ZNF280C: variants seen among roughly 807,000 people sequenced by gnomAD.
The protein encoded by ZNF280C is zinc finger protein 280C.
In ZNF280C, 14 loss-of-function variants were observed where a neutral mutation model predicts 53.6. The observed-to-expected ratio is 0.26, with a 90% CI of 0.17 to 0.41. The LOEUF (loss-of-function observed/expected upper bound fraction) is 0.41, where lower values mean the gene tolerates loss of function less well. ZNF280C is among the 10% of genes least tolerant of loss of function. ZNF280C has a pLI of 1.00. For synonymous variants in ZNF280C, 203 were observed against 181.1 expected (o/e 1.12, Z -0.97); for missense variants, 416 against 547.1 (o/e 0.76, Z 2.39).
chrX:130,257,548 A>G (rs1483078661), intron 2 of ZNF280C, among the ~76,000 whole-genome samples: 1 of 111,737 alleles, frequency 8.9e-6, no homozygotes, highest in Admixed American at 9.5e-5. Flanking sequence ...ATATGTACAT[A>G]TGAGTTTTAA....
At chrX:130,266,441 C>T (rs1171781874) in intron 1 of ZNF280C, among the ~76,000 whole-genome samples, 2 of 111,491 alleles carry the variant, frequency 1.8e-5, no homozygotes, top group African/African-American at 6.5e-5. Context: ...TACAAGGTGA[C>T]CACAGCTAAT....
At chrX:130,255,330 C>T (rs1335612531) in intron 2 of ZNF280C, among the ~76,000 whole-genome samples, 2 of 103,598 alleles carry the variant, frequency 1.9e-5, no homozygotes, top group Non-Finnish European at 3.9e-5. Context: ...TTAGTAGAGA[C>T]GGGGTTTCAC....
intron 10 of ZNF280C, among the ~76,000 whole-genome samples, 182 bp from the exon 11 acceptor site, chrX:130,227,964 C>A (rs943843889): frequency 8.9e-6 from 1 of 111,928 alleles, no homozygotes; most frequent in African/African-American, 3.2e-5. Flanking sequence ...ATTCTCGTAA[C>A]ATCACTGAGG....
At chrX:130,226,503 T>C (rs912023471) in intron 12 of ZNF280C, among the ~76,000 whole-genome samples, 4 of 111,634 alleles carry the variant, frequency 3.6e-5, no homozygotes, top group Non-Finnish European at 7.5e-5. Flanking sequence ...TCTAGCTATC[T>C]TTCAGAACTT....
rs1420490018 is a variant in ZNF280C, at chrX:130,235,775, C to T, written c.771+439G>A. On this transcript the variant is annotated intron_variant, in intron 8 of 18. Transcript: ENST00000370978. Reference sequence around the variant, plus strand: ...TCACTCTACTTTGCACCAAACATTACAACTTATTCCTTCTATCTAACTGTA... The same window carrying T: ...TCACTCTACTTTGCACCAAACATTATAACTTATTCCTTCTATCTAACTGTA... Among the ~76,000 whole-genome samples, 24 of 111,639 alleles carry T rather than the reference C, an allele frequency of 2.1e-4. No homozygotes were observed. The Admixed American group carries it at 2.3e-3, about 11-fold the overall frequency.
chrX:130,237,485 A>G (rs1482982782), intron 6 of ZNF280C, among the ~76,000 whole-genome samples: 1 of 111,684 alleles, frequency 9.0e-6, no homozygotes, highest in Non-Finnish European at 1.9e-5. Flanking sequence ...GGATTATATA[A>G]TTCAGGGCAT....
intron 2 of ZNF280C, among the ~76,000 whole-genome samples, chrX:130,255,375 C>T (rs1278321452): frequency 2.9e-5 from 3 of 104,496 alleles, no homozygotes; most frequent in East Asian, 3.0e-4. Context: ...CTCCTGACCT[C>T]GTGATCCGCC....
intron 3 of ZNF280C, among the ~76,000 whole-genome samples, chrX:130,244,191 T>C (rs1337278374): frequency 8.9e-6 from 1 of 111,842 alleles, no homozygotes; most frequent in East Asian, 2.8e-4. Context: ...TTCCAGAGTA[T>C]CTGATTAGAC....
intron 8 of ZNF280C, among the ~76,000 whole-genome samples, chrX:130,233,503 T>C (rs749023299): frequency 9.1e-4 from 99 of 108,201 alleles, no homozygotes; most frequent in Non-Finnish European, 1.0e-3. Context: ...GTAATCCCGG[T>C]TACTCAGAAA....
intron 2 of ZNF280C, among the ~76,000 whole-genome samples, chrX:130,251,304 A>AAAAAAAAC (rs2032506688): frequency 9.6e-6 from 1 of 103,700 alleles, no homozygotes. Flanking sequence ...AAAAAAAAAA[A>AAAAAAAAC]AAAGACCAGC....
Position 130,239,667 on chromosome X carries a change from T to C in ZNF280C, c.408A>G (p.Gly136=). 1.7e-6 allele frequency: 2 copies of C among 1,188,710 alleles called. No individual in the cohort carries two copies. Among genetic ancestry groups the C allele is most frequent in the Non-Finnish European group, 2.3e-6 (2 of 876,070 alleles). ...KPDFTKNSQV[G]SDNSSILLFD... ...ACAGTAAAATTGAAGAATTATCCGA[T>C]CCAACTTGTGAATTCTTTGTAAAAT... Residue 136 remains glycine, a synonymous_variant, in exon 6 of 19, where the codon GGA becomes GGG. Coordinates refer to ENST00000370978, the MANE Select transcript of ZNF280C (RefSeq NM_017666.5).
At chrX:130,259,717 G>A (rs142473951) in intron 2 of ZNF280C, among the ~76,000 whole-genome samples, 104 of 112,256 alleles carry the variant, frequency 9.3e-4, no homozygotes, top group African/African-American at 3.0e-3. Context: ...TTTTGGCCAG[G>A]CACAGTGGCT....
At chrX:130,265,611 A>T (rs776823910) in intron 1 of ZNF280C, among the ~76,000 whole-genome samples, 10 of 112,075 alleles carry the variant, frequency 8.9e-5, no homozygotes, top group Non-Finnish European at 1.7e-4. Flanking sequence ...TGATGGGAAC[A>T]CTGGACATAG....
intron 6 of ZNF280C, among the ~76,000 whole-genome samples, chrX:130,239,286 T>C (rs2032364135): frequency 2.7e-5 from 3 of 111,519 alleles, no homozygotes; most frequent in African/African-American, 9.7e-5. Context: ...TCAGGGGACT[T>C]CCTTGACTCA....
At chrX:130,206,256 T>C (rs1274075813) in intron 16 of ZNF280C, among the ~76,000 whole-genome samples, 1 of 111,091 alleles carries the variant, frequency 9.0e-6, no homozygotes, top group Non-Finnish European at 1.9e-5. Flanking sequence ...TAATTATCAG[T>C]TTATTAACAA....
intron 7 of ZNF280C, 45 bp downstream of exon 7, chrX:130,236,424 T>TA (rs958764017): frequency 8.8e-7 from 1 of 1,130,319 alleles, no homozygotes; most frequent in African/African-American, 1.9e-5. Context: ...AAAACGTATA[T>TA]AAAAATAATA....
At chrX:130,213,514 A>G (rs1569431866) in intron 15 of ZNF280C, among the ~76,000 whole-genome samples, 1 of 112,527 alleles carries the variant, frequency 8.9e-6, no homozygotes, top group African/African-American at 3.2e-5. Flanking sequence ...AAAAAGGATA[A>G]AAGATGCAAA....
At chrX:130,261,294 G>A (rs988559618) in intron 1 of ZNF280C, among the ~76,000 whole-genome samples, 1 of 111,979 alleles carries the variant, frequency 8.9e-6, no homozygotes, top group Non-Finnish European at 1.9e-5. Flanking sequence ...CTGAGTTCTC[G>A]TGCACTGAAC....
chrX:130,242,545 T>G (rs2032404395), intron 5 of ZNF280C, among the ~76,000 whole-genome samples: 1 of 111,962 alleles, frequency 8.9e-6, no homozygotes, highest in African/African-American at 3.2e-5. Context: ...TTTTATTTTG[T>G]TGTTGTCTTT....
Sources: gnomAD v4.1 joint callset for allele counts (sites outside exome capture counted in the v4.1 genomes callset) on GRCh38, gnomAD v4.1.1 for gene constraint, MANE v1.5 for transcripts, NCBI Gene and HGNC (gene_info 2026-07-23, HGNC 2026-07-21) for gene names.